The following RALY variants were observed in gnomAD, a reference collection of about 807,000 sequenced individuals.
RALY encodes the protein RALY heterogeneous nuclear ribonucleoprotein, also known as RNA-binding protein Raly.
Under a neutral mutation model 30.7 loss-of-function variants are expected in RALY, and 15 were observed. The ratio of observed to expected loss-of-function variants is 0.49; its 90% CI spans 0.33 to 0.75. The LOEUF is 0.75. Ranked by LOEUF, RALY falls within the 30% of genes least tolerant of loss-of-function variation. RALY has a pLI of 0.02. For synonymous variants in RALY, 177 were observed against 170.8 expected (o/e 1.04, Z -0.28); for missense variants, 339 against 414.3 (o/e 0.82, Z 1.58).
intron 1 of RALY, among the ~76,000 whole-genome samples, chr20:34,015,388 C>T (rs1269578995): frequency 6.6e-6 from 1 of 151,442 alleles, no homozygotes; most frequent in Non-Finnish European, 1.5e-5. Context: ...AACAAAAAAG[C>T]AAAAAACTTT....
intron 1 of RALY, among the ~76,000 whole-genome samples, chr20:34,008,758 A>G (rs1021709829): frequency 4.6e-5 from 7 of 152,160 alleles, no homozygotes; most frequent in Admixed American, 1.3e-4. Flanking sequence ...TCTTAGGCTT[A>G]AGCTATCCTC....
intron 2 of RALY, among the ~76,000 whole-genome samples, chr20:34,041,297 A>C (rs886952984): frequency 1.3e-5 from 2 of 152,180 alleles, no homozygotes; most frequent in African/African-American, 2.4e-5. Context: ...TGCACACACA[A>C]AAGATTTTAG....
intron 8 of RALY, 91 bp from the exon 9 acceptor site, chr20:34,078,414 G>T: frequency 8.1e-7 from 1 of 1,229,824 alleles, no homozygotes; most frequent in Non-Finnish European, 1.1e-6. Flanking sequence ...ATGCCCTCTG[G>T]ACCATGAAGT....
At chr20:34,068,437 G>A (rs1321258697) in intron 2 of RALY, among the ~76,000 whole-genome samples, 1 of 152,166 alleles carries the variant, frequency 6.6e-6, no homozygotes, top group Non-Finnish European at 1.5e-5. Flanking sequence ...CTCTGCCCTA[G>A]TGGTCCTAAC....
At chr20:34,048,872 T>A (rs989492373) in intron 2 of RALY, among the ~76,000 whole-genome samples, 28 of 86,902 alleles carry the variant, frequency 3.2e-4, no homozygotes, top group East Asian at 2.1e-3. Flanking sequence ...AAAAAAAAAA[T>A]TTTCTCTGCA....
chr20:34,056,047 A>G lies in RALY; in HGVS notation c.-9-16019A>G, dbSNP rs541429776. On this transcript the variant is annotated intron_variant, in intron 2 of 9. Transcript: ENST00000246194. ...ACTTACAAGTGCCTCCTTACTGAGC[A>G]CTGGGCTGCGTACAACATCAGAACG... 1.3e-4 allele frequency among the ~76,000 whole-genome samples: 20 copies of G among 152,324 alleles called. No homozygotes were observed. In the East Asian group the frequency reaches 3.9e-3, roughly 29 times the overall value.
At chr20:34,028,721 A>C (rs2032144749) in intron 1 of RALY, among the ~76,000 whole-genome samples, 2 of 150,894 alleles carry the variant, frequency 1.3e-5, no homozygotes, top group South Asian at 2.1e-4. Context: ...AAAAAAAAAA[A>C]AAAAAAAAAA....
chr20:34,049,105 CA>C (rs1738422565), intron 2 of RALY: 1 of 153,252 alleles, frequency 6.5e-6, no homozygotes, highest in African/African-American at 2.4e-5. Flanking sequence ...GAGGAACTGG[CA>C]TCTATGAAAG....
chr20:34,058,509 C>A (rs1261136808), intron 2 of RALY, among the ~76,000 whole-genome samples: 2 of 125,068 alleles, frequency 1.6e-5, no homozygotes, highest in African/African-American at 6.2e-5. Context: ...CCATACTTCT[C>A]AATGACTAAT....
At chr20:34,040,464 C>G (rs367733378) in intron 2 of RALY, among the ~76,000 whole-genome samples, 1 of 152,176 alleles carries the variant, frequency 6.6e-6, no homozygotes, top group Admixed American at 6.5e-5. Context: ...TTGGCTGGTA[C>G]AGGATCCAGA....
chr20:34,032,188 C>A (rs576125345), intron 2 of RALY, among the ~76,000 whole-genome samples: 1 of 152,322 alleles, frequency 6.6e-6, no homozygotes, highest in South Asian at 2.1e-4. Flanking sequence ...GTCTCGAACT[C>A]CCGACCTCAG....
chr20:34,025,292 C>T (rs941742218), intron 1 of RALY, among the ~76,000 whole-genome samples: 20 of 143,692 alleles, frequency 1.4e-4, no homozygotes, highest in Admixed American at 1.2e-3. Context: ...TTCAGCAACA[C>T]GTCTCTCTCT....
intron 1 of RALY, among the ~76,000 whole-genome samples, chr20:33,999,475 T>C (rs556214070): frequency 4.6e-5 from 7 of 152,300 alleles, no homozygotes; most frequent in Admixed American, 3.9e-4. Flanking sequence ...AGAGGAGATA[T>C]TCAATCCTAG....
At chr20:34,022,977 C>T (rs920059996) in intron 1 of RALY, among the ~76,000 whole-genome samples, 2 of 152,070 alleles carry the variant, frequency 1.3e-5, no homozygotes, top group Non-Finnish European at 2.9e-5. Context: ...GGAGAGTAGT[C>T]GTATCTGTTT....
At chr20:34,019,274 C>T (rs1222046699) in intron 1 of RALY, among the ~76,000 whole-genome samples, 1 of 151,830 alleles carries the variant, frequency 6.6e-6, no homozygotes, top group Non-Finnish European at 1.5e-5. Flanking sequence ...TGCAGTGAGT[C>T]GAGATCATGC....
intron 2 of RALY, among the ~76,000 whole-genome samples, chr20:34,061,284 G>C (rs1270135446): frequency 2.0e-5 from 3 of 152,164 alleles, no homozygotes; most frequent in Non-Finnish European, 2.9e-5. Flanking sequence ...TTGGTGGCAA[G>C]TCCTTAGTCT....
chr20:34,008,847 A>G (rs1360666829), intron 1 of RALY, among the ~76,000 whole-genome samples: 1 of 152,068 alleles, frequency 6.6e-6, no homozygotes. Context: ...TTTTGTAGAG[A>G]TGAGTTATTA....
At chr20:34,027,620 G>C (rs117173672) in intron 1 of RALY, among the ~76,000 whole-genome samples, 4 of 152,340 alleles carry the variant, frequency 2.6e-5, no homozygotes, top group East Asian at 3.9e-4. Context: ...TGAATGCCAA[G>C]TGCCTAAGGA....
At chr20:34,067,389 C>T (rs1170947718) in intron 2 of RALY, among the ~76,000 whole-genome samples, 1 of 151,936 alleles carries the variant, frequency 6.6e-6, no homozygotes, top group Admixed American at 6.6e-5. Context: ...TGGTCCTGAA[C>T]TCCTAACCTC....
Sources: gnomAD v4.1 joint callset for allele counts (sites outside exome capture counted in the v4.1 genomes callset) on GRCh38, gnomAD v4.1.1 for gene constraint, MANE v1.5 for transcripts, NCBI Gene and HGNC (gene_info 2026-07-23, HGNC 2026-07-21) for gene names.